PLEKHS1: variants seen among roughly 807,000 people sequenced by gnomAD.
PLEKHS1 encodes pleckstrin homology domain-containing family S member 1.
In PLEKHS1, 55 loss-of-function variants were observed where a neutral mutation model predicts 51.0. The ratio of observed to expected loss-of-function variants is 1.08; its 90% CI spans 0.87 to 1.35. The LOEUF (loss-of-function observed/expected upper bound fraction) is 1.35, where lower values mean the gene tolerates loss of function less well. Ranked by LOEUF, PLEKHS1 falls within the 40% of genes most tolerant of loss-of-function variation. The probability of loss-of-function intolerance (pLI) is 0.00; values close to 1 mark genes in which losing one functional copy is unlikely to be tolerated. For synonymous variants in PLEKHS1, 153 were observed against 144.8 expected (o/e 1.06, Z -0.41); for missense variants, 398 against 423.0 (o/e 0.94, Z 0.52).
intron 2 of PLEKHS1, among the ~76,000 whole-genome samples, chr10:113,757,869 A>G (rs1843739848): frequency 6.6e-6 from 1 of 152,250 alleles, no homozygotes; most frequent in South Asian, 2.1e-4. Flanking sequence ...CAGCATGTTC[A>G]CCAGCTGTAG....
chr10:113,755,570 A>G (rs898311649), intron 2 of PLEKHS1, among the ~76,000 whole-genome samples: 2 of 151,850 alleles, frequency 1.3e-5, no homozygotes, highest in Admixed American at 6.6e-5. Flanking sequence ...ATGCCTGCCT[A>G]ATTTTCGTAT....
At chr10:113,766,373 T>C (rs1462706273) in intron 2 of PLEKHS1, 38 bp from the exon 3 acceptor site, 3 of 1,296,580 alleles carry the variant, frequency 2.3e-6, no homozygotes, top group Non-Finnish European at 3.3e-6. Flanking sequence ...TTTCAGAAAT[T>C]TATGAGGAAC....
intron 6 of PLEKHS1, among the ~76,000 whole-genome samples, chr10:113,769,434 C>T (rs1329772176): frequency 6.6e-6 from 1 of 152,094 alleles, no homozygotes; most frequent in Non-Finnish European, 1.5e-5. Context: ...TCCATGCTTA[C>T]AGCAAAAGCC....
In PLEKHS1 at chr10:113,780,187, G is replaced by C. The variant is rs575894948; in HGVS notation, c.*-415G>C. On this transcript the variant is annotated intron_variant, in intron 11 of 11. Coordinates refer to ENST00000361048, the Ensembl canonical transcript of PLEKHS1. ...TGAGATTTTCAAGGGAAGGGGAGAA[G>C]GTGTGTGCAGGGGAAGGACATGACA... Among the ~76,000 whole-genome samples the C allele has an allele frequency of 3.3e-5, 5 of 152,306 alleles. No individual in the cohort carries two copies. In the South Asian group the frequency reaches 8.3e-4, roughly 25 times the overall value.
rs368188081 is a variant in PLEKHS1, at chr10:113,774,957, C to T, written c.911C>T (p.Ala304Val). The change falls in exon 10 of 12, where the codon GCC (alanine) becomes GTC (valine). Residue 304 changes from alanine (A) to valine (V), a missense_variant. Transcript: ENST00000361048. Reference sequence around the variant, plus strand: ...GGAATTGATTGGTGTCTTTCCCCTGCCGATGTGGAAGCACAGACCACAAAT... The same window carrying T: ...GGAATTGATTGGTGTCTTTCCCCTGTCGATGTGGAAGCACAGACCACAAAT... The T allele has an allele frequency of 3.7e-6, 6 of 1,614,052 alleles. No individual in the cohort carries two copies. In the African/African-American group the frequency reaches 5.3e-5, roughly 14 times the overall value.
chr10:113,775,044 C>T lies in PLEKHS1; in HGVS notation c.989+9C>T. 6.2e-7 allele frequency: 1 copy of T among 1,611,510 alleles called. No individual in the cohort carries two copies. Among genetic ancestry groups the T allele is most frequent in the Non-Finnish European group, 8.5e-7 (1 of 1,177,962 alleles). On this transcript the variant is annotated intron_variant, in intron 10 of 11. Coordinates refer to ENST00000361048, the Ensembl canonical transcript of PLEKHS1. ...TTGTCTATATTAATCAAGTAAAGCT[C>T]TAATTTCTAAAACTTGATGGGCCCT... is the stretch of plus-strand genomic sequence containing the variant.
exon 11 of PLEKHS1, chr10:113,775,840 T>C (rs3750901): frequency 0.2 from 317,683 of 1,610,936 alleles, 33,272 homozygotes; most frequent in East Asian, 0.34. Flanking sequence ...ACTATCTTGC[T>C]CTCACAGAAG....
chr10:113,771,803 C>G (rs1211805871), intron 7 of PLEKHS1, among the ~76,000 whole-genome samples, 167 bp from the exon 8 acceptor site: 1 of 152,076 alleles, frequency 6.6e-6, no homozygotes, highest in Non-Finnish European at 1.5e-5. Flanking sequence ...AGTGGTGACC[C>G]AGACTCAAGA....
chr10:113,754,706 G>A (rs1236024477), intron 1 of PLEKHS1, among the ~76,000 whole-genome samples: 3 of 151,954 alleles, frequency 2.0e-5, no homozygotes, highest in Admixed American at 6.6e-5. Flanking sequence ...GGCTGGTCTC[G>A]AACTCCTGAC....
chr10:113,762,718 T>TCATAAATTTAAACATA (rs1228735647), intron 2 of PLEKHS1, among the ~76,000 whole-genome samples: 1 of 152,020 alleles, frequency 6.6e-6, no homozygotes, highest in African/African-American at 2.4e-5. Context: ...GAGACTTGTT[T>TCATAAATTTAAACATA]TATGGCCCAG....
exon 8 of PLEKHS1, chr10:113,772,019 A>G (rs1255543786): frequency 2.5e-6 from 4 of 1,613,736 alleles, no homozygotes; most frequent in Non-Finnish European, 3.4e-6. Context: ...CACCTACAAG[A>G]TTTATCAGAA....
intron 11 of PLEKHS1, among the ~76,000 whole-genome samples, chr10:113,779,551 CA>C (rs1290611281): frequency 1.4e-5 from 2 of 147,376 alleles, no homozygotes; most frequent in East Asian, 4.0e-4. Flanking sequence ...GCCCTGGGAA[CA>C]GTGTGAGACT....
intron 8 of PLEKHS1, among the ~76,000 whole-genome samples, chr10:113,772,594 A>G (rs1174427577): frequency 6.6e-6 from 1 of 152,192 alleles, no homozygotes; most frequent in Non-Finnish European, 1.5e-5. Context: ...TAAAGTAATG[A>G]GCCTGACATC....
At chr10:113,769,931 C>T in intron 7 of PLEKHS1, 31 bp downstream of exon 7, 1 of 1,488,502 alleles carries the variant, frequency 6.7e-7, no homozygotes, top group Non-Finnish European at 9.4e-7. Context: ...CTCAGGACAC[C>T]ACACCTGGGA....
intron 10 of PLEKHS1, 47 bp from the exon 11 acceptor site, chr10:113,775,718 C>T: frequency 2.9e-6 from 4 of 1,362,196 alleles, no homozygotes; most frequent in Non-Finnish European, 4.1e-6. Flanking sequence ...CAGTTGAGAG[C>T]CAAGGTCAGT....
At chr10:113,777,380 T>C in intron 11 of PLEKHS1, 121 bp downstream of exon 12, 2 of 1,609,934 alleles carry the variant, frequency 1.2e-6, no homozygotes, top group South Asian at 1.1e-5. Flanking sequence ...TCTTCCACCA[T>C]CAAGTGCAAA....
intron 11 of PLEKHS1, among the ~76,000 whole-genome samples, chr10:113,776,528 A>G (rs1844672438): frequency 6.6e-6 from 1 of 152,178 alleles, no homozygotes; most frequent in Admixed American, 6.5e-5. Context: ...ATTTTTTTAA[A>G]TAGTCCACAA....
At chr10:113,754,391 C>G (rs1340762675) in intron 1 of PLEKHS1, among the ~76,000 whole-genome samples, 1 of 152,154 alleles carries the variant, frequency 6.6e-6, no homozygotes. Context: ...CAGCCCTTCC[C>G]CTGAGGGAGT....
rs1844628992 is a variant in PLEKHS1 at position 113,775,881 on chromosome 10, T to A, written c.1091+15T>A. ...GGACGGATATGGTAGGTTGGAGATT[T>A]GACTGTTGTGGATTATAAATGGGGC... On this transcript the variant is annotated intron_variant, in intron 11 of 11. Coordinates refer to ENST00000361048, the Ensembl canonical transcript of PLEKHS1. 6.4e-7 allele frequency: 1 copy of A among 1,564,802 alleles called. No individual in the cohort carries two copies. The highest frequency in any genetic ancestry group is 1.7e-5 in the Admixed American group (1 of 58,040).
Sources: gnomAD v4.1 joint callset for allele counts (sites outside exome capture counted in the v4.1 genomes callset) on GRCh38, gnomAD v4.1.1 for gene constraint, MANE v1.5 for transcripts, NCBI Gene and HGNC (gene_info 2026-07-23, HGNC 2026-07-21) for gene names.